CUX1: variants seen among roughly 807,000 people sequenced by gnomAD.
CUX1 encodes the protein cut like homeobox 1.
A neutral mutation model predicts 158.8 loss-of-function variants in CUX1; 31 were observed. That is an observed-to-expected ratio of 0.20 (90% confidence interval 0.15 to 0.26). The LOEUF is 0.26. Ranked by LOEUF, CUX1 falls within the 10% of genes least tolerant of loss-of-function variation. The probability of loss-of-function intolerance (pLI) is 1.00; values close to 1 mark genes in which losing one functional copy is unlikely to be tolerated. For missense variants in CUX1, 1,589 were observed against 2,014.6 expected (o/e 0.79, Z 4.04); for synonymous variants, 879 against 862.1 (o/e 1.02, Z -0.34).
intron 10 of CUX1, among the ~76,000 whole-genome samples, chr7:102,173,083 G>A (rs565990533): frequency 1.3e-5 from 2 of 152,238 alleles, no homozygotes; most frequent in Non-Finnish European, 2.9e-5. Context: ...TATGAGACTG[G>A]GTGTGGTGGC....
intron 2 of CUX1, among the ~76,000 whole-genome samples, chr7:101,929,618 T>C (rs767829940): frequency 6.6e-6 from 1 of 152,216 alleles, no homozygotes; most frequent in Non-Finnish European, 1.5e-5. Flanking sequence ...TGAGCTGTTA[T>C]TAATATTTAT....
At chr7:102,041,160 G>A (rs1310630652) in intron 3 of CUX1, among the ~76,000 whole-genome samples, 1 of 147,350 alleles carries the variant, frequency 6.8e-6, no homozygotes, top group Non-Finnish European at 1.5e-5. Flanking sequence ...AAAAAAATTA[G>A]CCAGGCATGG....
At chr7:101,888,455 T>TA (rs1204429308) in intron 1 of CUX1, among the ~76,000 whole-genome samples, 2 of 152,252 alleles carry the variant, frequency 1.3e-5, no homozygotes, top group Non-Finnish European at 2.9e-5. Flanking sequence ...TACATGTACA[T>TA]ATCCCTCTTA....
At chr7:102,178,415 C>G in intron 10 of CUX1, 54 bp from the exon 11 acceptor site, 1 of 1,510,550 alleles carries the variant, frequency 6.6e-7, no homozygotes, top group East Asian at 2.3e-5. Flanking sequence ...CAGGTAGCCT[C>G]GAGCACCCGC....
In CUX1 at chr7:102,163,104, G is replaced by A. The variant is rs576666657; in HGVS notation, c.723+4496G>A. Among the ~76,000 whole-genome samples, 579 of 152,264 alleles carry A rather than the reference G, an allele frequency of 3.8e-3. 2 individuals carry two copies. The highest frequency in any genetic ancestry group is 0.013 in the African/African-American group (559 of 41,550). ...GAAAGATGCAAGCCCTTGGAATATCGAGAGAATATTTCCAGCAGGAAAAGA... is the reference window on the plus strand; with the variant it reads ...GAAAGATGCAAGCCCTTGGAATATCAAGAGAATATTTCCAGCAGGAAAAGA... On this transcript the variant is annotated intron_variant, in intron 9 of 23. Coordinates refer to ENST00000292535, the MANE Select transcript of CUX1 (RefSeq NM_181552.4).
At chr7:102,275,391 T>C (rs1020788644) in intron 17 of CUX1, 3 of 1,557,742 alleles carry the variant, frequency 1.9e-6, no homozygotes, top group South Asian at 2.3e-5. Context: ...CTGATGCTCC[T>C]TGGGCCCAAG....
rs140548808 is a variant in CUX1, at chr7:101,902,296, G to A, written c.31-13819G>A. On this transcript the variant is annotated intron_variant, in intron 1 of 23. Transcript: ENST00000292535. ...GCTTCCTCAGTCTGTGAAATGGGGC[G>A]GTACCTCCCTTGCAATGGTTAATAG... 1.7e-3 allele frequency among the ~76,000 whole-genome samples: 265 copies of A among 152,244 alleles called. 1 individual carries two copies. Among genetic ancestry groups the A allele is most frequent in the Non-Finnish European group, 2.6e-3 (179 of 68,008 alleles).
chr7:102,239,739 T>TTTTCTTTTC (rs1554534246), intron 23 of CUX1, among the ~76,000 whole-genome samples, 155 bp downstream of exon 23: 5 of 149,006 alleles, frequency 3.4e-5, no homozygotes, highest in Non-Finnish European at 7.4e-5. Context: ...TAGGGTTTTT[T>TTTTCTTTTC]TTTTCTTTTC....
In CUX1 at chr7:102,202,024, C is replaced by T. The variant is rs137933356; in HGVS notation, c.2727C>T (p.Ser909=). The T allele has an allele frequency of 1.0e-4, 169 of 1,613,928 alleles. No individual in the cohort carries two copies. Among genetic ancestry groups the T allele is most frequent in the Non-Finnish European group, 1.4e-4 (164 of 1,179,980 alleles). ...GASRSETPQN[S]PLPSSPIVPM... ...GCCGCAGCGAGACACCACAGAACAG[C>T]CCCCTGCCATCCTCCCCGATCGTGC... The change falls in exon 18 of 24, where the codon AGC becomes AGT. Residue 909 remains serine (S), a synonymous_variant. Transcript: ENST00000292535.
intron 8 of CUX1, among the ~76,000 whole-genome samples, chr7:102,152,445 G>A (rs1367679190): frequency 1.3e-5 from 2 of 152,092 alleles, no homozygotes; most frequent in East Asian, 1.9e-4. Context: ...TTGAGACAGG[G>A]TCTCACTTTG....
intron 10 of CUX1, among the ~76,000 whole-genome samples, chr7:102,170,814 TCA>T (rs72016884): frequency 0.035 from 5,379 of 152,026 alleles, 334 homozygotes; most frequent in African/African-American, 0.12. Flanking sequence ...GCAGGCACAG[TCA>T]CAGACACAGT....
intron 2 of CUX1, among the ~76,000 whole-genome samples, chr7:101,931,838 G>A (rs549101582): frequency 3.9e-5 from 6 of 152,206 alleles, no homozygotes; most frequent in Non-Finnish European, 5.9e-5. Flanking sequence ...GTGAGCTACC[G>A]TACCCCTCAG....
rs556343011 is a variant in CUX1, at chr7:102,232,133, TTTTTG to T, written c.3434-1899_3434-1895del. 4.0e-3 allele frequency among the ~76,000 whole-genome samples: 612 copies of T among 152,218 alleles called. 3 individuals carry two copies. Among genetic ancestry groups the T allele is most frequent in the African/African-American group, 0.014 (577 of 41,526 alleles). Reference sequence around the variant, plus strand: ...AAAATCAGTAAATTTATCTTTAAGTTTTTTGTTTTGTTTTGTTTTGTTTTTTCTTT... The same window carrying T: ...AAAATCAGTAAATTTATCTTTAAGTTTTTTGTTTTGTTTTGTTTTTTCTTT... On this transcript the variant is annotated intron_variant, in intron 21 of 23. Transcript: ENST00000292535.
intron 2 of CUX1, among the ~76,000 whole-genome samples, chr7:101,943,289 TAG>T (rs1157779899): frequency 6.6e-6 from 1 of 151,738 alleles, no homozygotes; most frequent in Non-Finnish European, 1.5e-5. Context: ...GTATTTTTAG[TAG>T]AGACGGGTTT....
chr7:102,034,091 A>G (rs1354815818), intron 3 of CUX1, among the ~76,000 whole-genome samples: 2 of 141,426 alleles, frequency 1.4e-5, no homozygotes, highest in Non-Finnish European at 3.0e-5. Context: ...GGTTGCGGTG[A>G]GCTGAGATCA....
chr7:102,184,444 C>G (rs1793435584), intron 11 of CUX1, among the ~76,000 whole-genome samples: 1 of 152,172 alleles, frequency 6.6e-6, no homozygotes, highest in East Asian at 1.9e-4. Context: ...CATCCTACAT[C>G]TCACCACTGT....
chr7:102,244,596 G>T (rs1009386053), intron 23 of CUX1, among the ~76,000 whole-genome samples: 4 of 152,114 alleles, frequency 2.6e-5, no homozygotes, highest in Admixed American at 1.3e-4. Context: ...TCAGGAGGCT[G>T]AGGTGGGAGA....
At chr7:101,933,711 C>G (rs925107304) in intron 2 of CUX1, among the ~76,000 whole-genome samples, 1 of 152,126 alleles carries the variant, frequency 6.6e-6, no homozygotes, top group East Asian at 1.9e-4. Flanking sequence ...AAGATGAATA[C>G]ATTCATTCAT....
intron 8 of CUX1, among the ~76,000 whole-genome samples, chr7:102,140,579 G>A (rs1186722676): frequency 6.6e-6 from 1 of 151,662 alleles, no homozygotes; most frequent in Non-Finnish European, 1.5e-5. Flanking sequence ...AGAGTTCGAG[G>A]CTGGGTGCAG....
Sources: gnomAD v4.1 joint callset for allele counts (sites outside exome capture counted in the v4.1 genomes callset) on GRCh38, gnomAD v4.1.1 for gene constraint, MANE v1.5 for transcripts, NCBI Gene and HGNC (gene_info 2026-07-23, HGNC 2026-07-21) for gene names.